The following DNAJC2 variants were observed in gnomAD, a reference collection of about 807,000 sequenced individuals.
DNAJC2 encodes dnaJ homolog subfamily C member 2.
In DNAJC2, 32 loss-of-function variants were observed where a neutral mutation model predicts 94.0. The ratio of observed to expected loss-of-function variants is 0.34; its 90% CI spans 0.26 to 0.46. DNAJC2 has a LOEUF of 0.46. Ranked by LOEUF, DNAJC2 falls within the 20% of genes least tolerant of loss-of-function variation. DNAJC2 has a pLI of 1.00. For synonymous variants in DNAJC2, 210 were observed against 229.7 expected, an observed-to-expected ratio of 0.91 and a Z score of 0.77; for missense variants, 550 against 719.5, an observed-to-expected ratio of 0.76 and a Z score of 2.69.
intron 3 of DNAJC2, chr7:103,336,100 G>A (rs1819163371): frequency 6.6e-6 from 1 of 152,462 alleles, no homozygotes; most frequent in Admixed American, 6.5e-5. Context: ...CTGGGAGGCG[G>A]AGGTTGTGGT....
chr7:103,320,667 C>G (rs1340655494), intron 10 of DNAJC2, among the ~76,000 whole-genome samples: 2 of 150,568 alleles, frequency 1.3e-5, no homozygotes, highest in Non-Finnish European at 3.0e-5. Context: ...TGGCGTGAAC[C>G]CAGGAGGCGG....
chr7:103,324,735 A>G (rs149150104), intron 5 of DNAJC2, 173 bp from the exon 6 acceptor site: 435 of 540,806 alleles, frequency 8.0e-4, no homozygotes, highest in African/African-American at 7.9e-3. Context: ...GGCATGAAAC[A>G]ATGCAGGTGT....
At chr7:103,327,566 T>G (rs957111004) in intron 4 of DNAJC2, 90 bp downstream of exon 4, 1 of 826,560 alleles carries the variant, frequency 1.2e-6, no homozygotes, top group African/African-American at 1.7e-5. Context: ...GATAGTTGAA[T>G]GAACTACAGT....
At position 103,316,961 on chromosome 7, in the gene DNAJC2, A is replaced by G. The variant is rs1439708610; in HGVS notation, c.1296T>C (p.Arg432=). ...CTGTGTTCTTAGATGCTTGTCGCAT[A>G]CGAGCCTCAGCTTCCTCTTTCTCTT... is the stretch of plus-strand genomic sequence containing the variant. The part of the protein sequence containing the change: ...IRKEKEEAEA[R]MRQASKNTEK... Residue 432 remains arginine, a synonymous_variant, in exon 13 of 17, where the codon CGT becomes CGC. Transcript: ENST00000379263. 1.2e-6 allele frequency: 2 copies of G among 1,613,988 alleles called. No homozygotes were observed. The highest frequency in any genetic ancestry group is 1.7e-6 in the Non-Finnish European group (2 of 1,180,010).
At chr7:103,344,127 A>T in intron 1 of DNAJC2, 1 of 172,736 alleles carries the variant, frequency 5.8e-6, no homozygotes, top group Non-Finnish European at 1.2e-5. Context: ...TTAAAAAACA[A>T]GGCCGGAGCA....
intron 9 of DNAJC2, 137 bp downstream of exon 9, chr7:103,322,374 G>A (rs994725732): frequency 1.1e-5 from 10 of 943,878 alleles, no homozygotes; most frequent in African/African-American, 1.7e-5. Flanking sequence ...ATACCAACTG[G>A]TCATGATTCA....
At chr7:103,331,319 G>A (rs1818960992) in intron 3 of DNAJC2, among the ~76,000 whole-genome samples, 1 of 152,094 alleles carries the variant, frequency 6.6e-6, no homozygotes, top group Non-Finnish European at 1.5e-5. Flanking sequence ...AGGGTATTTG[G>A]GTATCTATCA....
intron 15 of DNAJC2, chr7:103,314,240 A>C: frequency 1.0e-6 from 1 of 985,414 alleles, no homozygotes; most frequent in Non-Finnish European, 1.2e-6. Flanking sequence ...GTGACATGGC[A>C]GTATTTCCTG....
chr7:103,313,294 C>A, intron 15 of DNAJC2, 193 bp from the exon 16 acceptor site: 1 of 1,321,486 alleles, frequency 7.6e-7, no homozygotes, highest in South Asian at 2.3e-5. Context: ...AGCTCACATC[C>A]CAGAAAATAA....
At chr7:103,343,921 G>A (rs932873098) in intron 1 of DNAJC2, among the ~76,000 whole-genome samples, 2 of 152,164 alleles carry the variant, frequency 1.3e-5, no homozygotes, top group African/African-American at 4.8e-5. Flanking sequence ...ACTGGCTATG[G>A]GAATTACTGT....
chr7:103,339,516 A>C (rs187825677), intron 2 of DNAJC2, among the ~76,000 whole-genome samples: 1 of 151,972 alleles, frequency 6.6e-6, no homozygotes, highest in Non-Finnish European at 1.5e-5. Flanking sequence ...ATCACTCTTC[A>C]TTCACTGTAA....
At position 103,322,451 on chromosome 7, in the gene DNAJC2, A is replaced by C. The variant is rs966601416; in HGVS notation, c.933+60T>G. The C allele has an allele frequency of 3.7e-6, 5 of 1,369,628 alleles. No homozygotes were observed. In the African/African-American group the frequency reaches 7.4e-5, roughly 20 times the overall value. 84.8% of individuals were successfully genotyped at this position (1,369,628 alleles called of 1,614,324 possible). A position where few individuals can be genotyped will look rare whatever the true frequency, so the allele number is the denominator to read the frequency against. On this transcript the variant is annotated intron_variant, in intron 9 of 16. Coordinates refer to ENST00000379263, the MANE Select transcript of DNAJC2 (RefSeq NM_014377.3). Reference sequence around the variant, plus strand: ...TTTTTAAAAAAAGATGTGAAGATTAAAGTGAAGATTAAAGATTTCATAAAC... The same window carrying C: ...TTTTTAAAAAAAGATGTGAAGATTACAGTGAAGATTAAAGATTTCATAAAC...
intron 12 of DNAJC2, 31 bp downstream of exon 12, chr7:103,319,576 CAT>C: frequency 6.2e-7 from 1 of 1,601,986 alleles, no homozygotes; most frequent in Non-Finnish European, 8.6e-7. Flanking sequence ...TTAAATGCTA[CAT>C]ATAGGTAGGA....
rs1257364867 is a variant in DNAJC2, at chr7:103,316,014, C to T, written c.1502G>A (p.Gly501Asp). Residue 501 changes from glycine (G) to aspartate (D), a missense_variant, in exon 14 of 17, where the codon GGC becomes GAC. Around this residue, in one of 2 missense-constraint regions of DNAJC2, gnomAD observed 271 missense variants for 302.6 expected, o/e 0.90. Coordinates refer to ENST00000379263, the MANE Select transcript of DNAJC2 (RefSeq NM_014377.3). ...GVKRTAKDVI[G>D]KAKSLQKLDP... ...AAGTTTTTGGAGACTCTTTGCTTTG[C>T]CAATAACATCTTTGGCAGTTCTTTT... 1.3e-6 allele frequency: 2 copies of T among 1,599,920 alleles called. No homozygotes were observed. Among genetic ancestry groups the T allele is most frequent in the Non-Finnish European group, 1.7e-6 (2 of 1,173,520 alleles).
chr7:103,339,236 T>G (rs1265992882), intron 2 of DNAJC2, among the ~76,000 whole-genome samples: 1 of 152,240 alleles, frequency 6.6e-6, no homozygotes, highest in Non-Finnish European at 1.5e-5. Context: ...ACAGTATCCT[T>G]GACACCTAGA....
intron 5 of DNAJC2, among the ~76,000 whole-genome samples, chr7:103,325,390 T>C (rs770962594): frequency 1.3e-5 from 2 of 151,762 alleles, no homozygotes; most frequent in Non-Finnish European, 2.9e-5. Flanking sequence ...TGAGCCGAGA[T>C]TGTGCCACTG....
chr7:103,324,138 C>T (rs747032327), intron 6 of DNAJC2, among the ~76,000 whole-genome samples: 11 of 152,096 alleles, frequency 7.2e-5, no homozygotes, highest in Non-Finnish European at 1.3e-4. Context: ...CTAACTATTG[C>T]GCATATTAAA....
rs772075436 is a variant in DNAJC2, at chr7:103,327,718, C to A, written c.368G>T (p.Arg123Leu). ...AMVLKHHPDK[R>L]KAAGEPIKEG... ...TTTTATTGGTTCACCAGCTGCTTTC[C>A]GTTTGTCTGGGTGATGTTTTAAAAC... Residue 123 changes from arginine (R) to leucine (L), a missense_variant, in exon 4 of 17, where the codon CGG becomes CTG. By Grantham distance (102) the Arg-to-Leu change is moderately radical. Around this residue, in one of 2 missense-constraint regions of DNAJC2, gnomAD observed 279 missense variants for 416.9 expected, o/e 0.67. Coordinates refer to ENST00000379263, the MANE Select transcript of DNAJC2 (RefSeq NM_014377.3). 6.2e-7 allele frequency: 1 copy of A among 1,613,290 alleles called. No individual in the cohort carries two copies. Among genetic ancestry groups the A allele is most frequent in the Non-Finnish European group, 8.5e-7 (1 of 1,179,736 alleles).
chr7:103,324,644 CAAT>C, intron 5 of DNAJC2, 82 bp from the exon 6 acceptor site: 1 of 1,182,322 alleles, frequency 8.5e-7, no homozygotes, highest in South Asian at 2.0e-5. Context: ...TTATTAAAAA[CAAT>C]AATTTTTACT....
Sources: gnomAD v4.1 joint callset for allele counts (sites outside exome capture counted in the v4.1 genomes callset) on GRCh38, gnomAD v4.1.1 for gene constraint, gnomAD v4.1.1 regional missense constraint, MANE v1.5 for transcripts, NCBI Gene and HGNC (gene_info 2026-07-23, HGNC 2026-07-21) for gene names.